The following INPP4B variants were observed in gnomAD, a reference collection of about 807,000 sequenced individuals.
INPP4B encodes the protein inositol polyphosphate-4-phosphatase type II B.
In INPP4B, 55 loss-of-function variants were observed where a neutral mutation model predicts 122.5. The observed-to-expected ratio is 0.45, with a 90% confidence interval of 0.36 to 0.56. The LOEUF is 0.56. Ranked by LOEUF, INPP4B falls within the 20% of genes least tolerant of loss-of-function variation. INPP4B has a pLI of 0.00. For synonymous variants in INPP4B, 403 were observed against 388.7 expected (o/e 1.04, Z -0.43); for missense variants, 1,000 against 1,097.7 (o/e 0.91, Z 1.26).
chr4:142,396,859 A>G (rs1460742326), intron 7 of INPP4B, among the ~76,000 whole-genome samples: 1 of 152,152 alleles, frequency 6.6e-6, no homozygotes, highest in Non-Finnish European at 1.5e-5. Context: ...CAAAACTATA[A>G]GATTTCATTC....
intron 13 of INPP4B, 75 bp downstream of exon 13, chr4:142,208,821 T>G (rs1378447302): frequency 6.0e-5 from 68 of 1,142,548 alleles, no homozygotes; most frequent in Non-Finnish European, 8.0e-5. Context: ...ATAAAATCTA[T>G]TTATTATTTT....
chr4:142,587,802 G>C (rs530639941), intron 2 of INPP4B, among the ~76,000 whole-genome samples: 7 of 152,038 alleles, frequency 4.6e-5, no homozygotes, highest in African/African-American at 1.7e-4. Flanking sequence ...TTTCCAGAAA[G>C]TAGAATCAGA....
At chr4:142,068,811 G>T (rs1765214830) in intron 25 of INPP4B, among the ~76,000 whole-genome samples, 1 of 152,130 alleles carries the variant, frequency 6.6e-6, no homozygotes. Flanking sequence ...ACCCAATACA[G>T]GAGCACCCTG....
intron 7 of INPP4B, among the ~76,000 whole-genome samples, chr4:142,355,111 T>C (rs1783150195): frequency 6.6e-6 from 1 of 152,026 alleles, no homozygotes; most frequent in South Asian, 2.1e-4. Flanking sequence ...TTTTATATGA[T>C]TCTGGAAGTA....
intron 2 of INPP4B, among the ~76,000 whole-genome samples, chr4:142,722,576 TAA>T (rs1464925377): frequency 6.6e-6 from 1 of 152,176 alleles, no homozygotes. Context: ...AAAAAAATCA[TAA>T]AAGCCACATT....
intron 1 of INPP4B, 130 bp from the exon 2 acceptor site, chr4:142,726,031 T>TCAG (rs1765308260): frequency 2.6e-6 from 1 of 385,212 alleles, no homozygotes. Context: ...TCAGCTCCAT[T>TCAG]CAGCAGCTGC....
chr4:142,463,141 T>C (rs1202826401), intron 2 of INPP4B, among the ~76,000 whole-genome samples: 1 of 152,250 alleles, frequency 6.6e-6, no homozygotes, highest in Admixed American at 6.5e-5. Context: ...AGCTAGCTTC[T>C]GGGAGAAAAC....
chr4:142,644,856 A>G (rs1190027570), intron 2 of INPP4B, among the ~76,000 whole-genome samples: 1 of 148,280 alleles, frequency 6.7e-6, no homozygotes, highest in Admixed American at 6.8e-5. Context: ...CAGTGAGCCA[A>G]GATCAGGCCA....
chr4:142,532,465 T>G lies in INPP4B; in HGVS notation c.-190-69739A>C, dbSNP rs548651662. Among the ~76,000 whole-genome samples the G allele has an allele frequency of 5.9e-5, 9 of 152,250 alleles. No individual in the cohort carries two copies. In the South Asian group the frequency reaches 1.9e-3, roughly 32 times the overall value. On this transcript the variant is annotated intron_variant, in intron 2 of 25. Coordinates refer to ENST00000262992, the MANE Select transcript of INPP4B (RefSeq NM_001101669.3). ...CCTCCATCCAAGGAGGTGAAATCTT[T>G]CCATTACATGCTCTGATCATCCCTG...
chr4:142,467,392 A>G (rs1215538416), intron 2 of INPP4B, among the ~76,000 whole-genome samples: 1 of 152,158 alleles, frequency 6.6e-6, no homozygotes, highest in African/African-American at 2.4e-5. Flanking sequence ...AAGCTTTAAG[A>G]TTTAATGATA....
At position 142,768,670 on chromosome 4, in the gene INPP4B, C is replaced by T. The variant is rs1034406111; in HGVS notation, c.-253-42769G>A. 1.4e-4 allele frequency among the ~76,000 whole-genome samples: 22 copies of T among 152,142 alleles called. 1 individual carries two copies. Among genetic ancestry groups the T allele is most frequent in the African/African-American group, 4.8e-4 (20 of 41,438 alleles). On this transcript the variant is annotated intron_variant, in intron 1 of 25. Transcript: ENST00000262992. ...GGCACATAGCAAGAGATGTGCATTT[C>T]AAGTACTGAGAGCAACATATACAGA...
intron 7 of INPP4B, among the ~76,000 whole-genome samples, chr4:142,352,596 G>C (rs950034114): frequency 1.3e-5 from 2 of 151,596 alleles, no homozygotes; most frequent in Non-Finnish European, 2.9e-5. Context: ...AATATAATAG[G>C]ATCATACTTC....
At chr4:142,622,649 A>G (rs1745218697) in intron 2 of INPP4B, among the ~76,000 whole-genome samples, 1 of 151,976 alleles carries the variant, frequency 6.6e-6, no homozygotes, top group South Asian at 2.1e-4. Flanking sequence ...CTCAAAGACA[A>G]TTAATGAGGA....
At chr4:142,720,417 T>C (rs975434699) in intron 2 of INPP4B, among the ~76,000 whole-genome samples, 3 of 151,944 alleles carry the variant, frequency 2.0e-5, no homozygotes. Context: ...CATTACCCAG[T>C]GGGGTATGGT....
At chr4:142,817,506 C>T (rs1197844238) in intron 1 of INPP4B, among the ~76,000 whole-genome samples, 1 of 152,138 alleles carries the variant, frequency 6.6e-6, no homozygotes, top group Non-Finnish European at 1.5e-5. Flanking sequence ...CAGCTCTTCT[C>T]ACACTTTTAA....
Position 142,131,956 on chromosome 4 carries a change from CA to C in INPP4B, c.1721-7197del, listed in dbSNP as rs1368996219. On this transcript the variant is annotated intron_variant, in intron 18 of 25. Coordinates refer to ENST00000262992, the MANE Select transcript of INPP4B (RefSeq NM_001101669.3). ...GGCAACAAGAGTGAAACTTTGTTTCCAAAAAAAAAAAAACAAAAATATTACA... is the reference window on the plus strand; with the variant it reads ...GGCAACAAGAGTGAAACTTTGTTTCCAAAAAAAAAAAACAAAAATATTACA... 4.7e-3 allele frequency among the ~76,000 whole-genome samples: 494 copies of C among 104,600 alleles called. 1 individual carries two copies. The highest frequency in any genetic ancestry group is 7.7e-3 in the Non-Finnish European group (376 of 48,742). 68.6% of individuals were successfully genotyped at this position (104,600 alleles called of 152,430 possible). A position where few individuals can be genotyped will look rare whatever the true frequency, so the allele number is the denominator to read the frequency against.
At chr4:142,184,290 T>C (rs1832173842) in intron 15 of INPP4B, among the ~76,000 whole-genome samples, 1 of 152,196 alleles carries the variant, frequency 6.6e-6, no homozygotes, top group African/African-American at 2.4e-5. Context: ...CATCTTTATA[T>C]AAATTGTCTC....
Position 142,695,085 on chromosome 4 carries a change from C to CT in INPP4B, c.-191+30753dup, listed in dbSNP as rs1021061648. On this transcript the variant is annotated intron_variant, in intron 2 of 25. Transcript: ENST00000262992. ...CCTACAACACCTTCATAATCATTCA[C>CT]TTTTTTTTTAGTATTAACACTTATT... Among the ~76,000 whole-genome samples the CT allele has an allele frequency of 1.2e-3, 184 of 151,020 alleles. 1 individual carries two copies. Among genetic ancestry groups the CT allele is most frequent in the African/African-American group, 4.0e-3 (165 of 41,174 alleles).
intron 15 of INPP4B, among the ~76,000 whole-genome samples, chr4:142,189,793 A>T (rs1244133603): frequency 6.6e-6 from 1 of 152,216 alleles, no homozygotes; most frequent in Non-Finnish European, 1.5e-5. Context: ...ATGAGGGTAG[A>T]CACTGGTGGG....
Sources: allele counts gnomAD v4.1 joint callset (sites outside exome capture counted in the v4.1 genomes callset), GRCh38; gene constraint gnomAD v4.1.1; transcripts MANE v1.5; gene names NCBI Gene and HGNC (gene_info 2026-07-23, HGNC 2026-07-21).